Variants in PRSS55 observed in about 807,000 individuals in gnomAD.
The protein encoded by PRSS55 is probable serine protease UNQ9391/PRO34284.
PRSS55 carries 41 observed loss-of-function variants against 23.6 expected under a neutral mutation model. That is an observed-to-expected ratio of 1.74 (90% confidence interval 1.35 to 2.26). PRSS55 has a LOEUF of 2.26. PRSS55 is among the 30% of genes most tolerant of loss of function. The probability of loss-of-function intolerance (pLI) is 0.00; values close to 1 mark genes in which losing one functional copy is unlikely to be tolerated. For synonymous variants in PRSS55, 262 were observed against 175.5 expected (o/e 1.49, Z -3.90); for missense variants, 669 against 439.1 (o/e 1.52, Z -4.68).
Position 10,552,782 on chromosome 8 carries a change from G to A in PRSS55, c.742-1161G>A, listed in dbSNP as rs550147690. On this transcript the variant is annotated intron_variant, in intron 4 of 4. Transcript: ENST00000522210. ...GACAAAAGATAGTGAGTGTTGGTGA[G>A]GGTGTGGAGAAAGGGGAATGTTTGT... is the stretch of plus-strand genomic sequence containing the variant. Among the ~76,000 whole-genome samples the A allele has an allele frequency of 2.0e-3, 302 of 152,300 alleles. 3 individuals are homozygous for A. The highest frequency in any genetic ancestry group is 1.3e-3 in the Non-Finnish European group (89 of 68,028).
intron 1 of PRSS55, among the ~76,000 whole-genome samples, chr8:10,528,573 T>C (rs765407109): frequency 6.6e-6 from 1 of 152,200 alleles, no homozygotes; most frequent in Non-Finnish European, 1.5e-5. Flanking sequence ...ACAGCTTTGC[T>C]CTCAGTCCCC....
At chr8:10,525,795 T>C in intron 1 of PRSS55, 56 bp downstream of exon 1, 6 of 1,517,012 alleles carry the variant, frequency 4.0e-6, no homozygotes, top group Non-Finnish European at 5.3e-6. Flanking sequence ...GCTGACTGGC[T>C]GCCAGGAGGG....
Position 10,525,790 on chromosome 8 carries a change from C to T in PRSS55, c.154+51C>T, listed in dbSNP as rs79161000. The T allele has an allele frequency of 5.1e-3, 7,845 of 1,525,118 alleles. 32 individuals are homozygous for T. Among genetic ancestry groups the T allele is most frequent in the Middle Eastern group, 7.1e-3 (32 of 4,492 alleles). The allele number at this position is 1,525,118 out of a possible 1,614,324, so 94.5% of individuals were successfully genotyped here. On this transcript the variant is annotated intron_variant, in intron 1 of 4. Coordinates refer to ENST00000328655, the MANE Select transcript of PRSS55 (RefSeq NM_198464.4). ...GGATGGGGGCTCATGGTCCAGCTGA[C>T]TGGCTGCCAGGAGGGTGGATCGCAG... is the stretch of plus-strand genomic sequence containing the variant.
intron 4 of PRSS55, among the ~76,000 whole-genome samples, chr8:10,544,450 T>C (rs2117072312): frequency 6.6e-6 from 1 of 152,322 alleles, no homozygotes; most frequent in East Asian, 1.9e-4. Context: ...AGAACTTGTT[T>C]GTTTATCCAG....
At chr8:10,525,764 T>C in intron 1 of PRSS55, 25 bp downstream of exon 1, 1 of 1,567,816 alleles carries the variant, frequency 6.4e-7, no homozygotes, top group Non-Finnish European at 8.7e-7. Flanking sequence ...AGAAGGGGCA[T>C]GGATGGGGGC....
At chr8:10,543,305 G>T (rs1348122817), downstream of PRSS55, among the ~76,000 whole-genome samples, 1 of 152,128 alleles carries the variant, frequency 6.6e-6, no homozygotes, top group African/African-American at 2.4e-5. Flanking sequence ...GGAAGTGACT[G>T]CCCTGAGAGT....
chr8:10,527,138 A>T (rs937056710), intron 1 of PRSS55, among the ~76,000 whole-genome samples: 4 of 152,212 alleles, frequency 2.6e-5, no homozygotes, highest in Non-Finnish European at 4.4e-5. Flanking sequence ...TTTCATCCTG[A>T]CTTTTTCACT....
intron 2 of PRSS55, 116 bp from the exon 3 acceptor site, chr8:10,531,179 A>G: frequency 8.0e-7 from 1 of 1,245,706 alleles, no homozygotes; most frequent in Non-Finnish European, 1.1e-6. Context: ...CAGCCCCAGT[A>G]GGGTTTAAAG....
downstream of PRSS55, chr8:10,541,266 C>T (rs925353566): frequency 6.6e-6 from 1 of 152,372 alleles, no homozygotes; most frequent in Admixed American, 6.5e-5. Flanking sequence ...TGGAGGGGAT[C>T]TGTGGATGAG....
At chr8:10,528,198 C>G (rs915882632) in intron 1 of PRSS55, among the ~76,000 whole-genome samples, 3 of 131,662 alleles carry the variant, frequency 2.3e-5, no homozygotes, top group African/African-American at 8.3e-5. Flanking sequence ...GACTTCGTCT[C>G]TCAAAAAAAA....
In PRSS55 at chr8:10,531,466, G is replaced by A; in HGVS notation, c.519G>A (p.Val173=). Reference sequence around the variant, plus strand: ...CCATCAAGCTCGATGACCTGAAGGTGCCCATCTGCCTCCCCACGCAGCCCG... The same window carrying A: ...CCATCAAGCTCGATGACCTGAAGGTACCCATCTGCCTCCCCACGCAGCCCG... ...ASPIKLDDLK[V]PICLPTQPGP... Residue 173 remains valine (V), a synonymous_variant, in exon 3 of 5, where the codon GTG becomes GTA. Coordinates refer to ENST00000328655, the MANE Select transcript of PRSS55 (RefSeq NM_198464.4). 1.2e-6 allele frequency: 2 copies of A among 1,614,084 alleles called. No individual in the cohort carries two copies. The highest frequency in any genetic ancestry group is 1.7e-6 in the Non-Finnish European group (2 of 1,180,052).
Position 10,553,861 on chromosome 8 carries a change from T to C in PRSS55, c.742-82T>C, listed in dbSNP as rs1366330653. 17 of 882,734 alleles carry C rather than the reference T, an allele frequency of 1.9e-5. No homozygotes were observed. The Admixed American group carries it at 1.9e-4, about 10-fold the overall frequency. The allele number at this position is 882,734 out of a possible 1,614,324, so 54.7% of individuals were successfully genotyped here. ...TTTAATTGGAGTAACCATTTCACAA[T>C]GTATACATAAATCAAAGCACCACAT... is the stretch of plus-strand genomic sequence containing the variant. On this transcript the variant is annotated intron_variant, in intron 4 of 4. Transcript: ENST00000522210.
intron 2 of PRSS55, among the ~76,000 whole-genome samples, chr8:10,531,065 AT>A (rs1373319908): frequency 6.6e-6 from 1 of 151,800 alleles, no homozygotes; most frequent in Non-Finnish European, 1.5e-5. Flanking sequence ...GGGGCCCCTG[AT>A]GGTGCAGTGG....
chr8:10,531,684 T>C (rs1479775387), intron 3 of PRSS55, 139 bp downstream of exon 3: 2 of 1,288,008 alleles, frequency 1.6e-6, no homozygotes, highest in African/African-American at 1.5e-5. Flanking sequence ...GCCCAAAGTT[T>C]AGCTCCTTTT....
Position 10,525,869 on chromosome 8 carries a change from G to A in PRSS55, c.154+130G>A. 1.2e-5 allele frequency: 12 copies of A among 997,728 alleles called. No individual in the cohort carries two copies. The South Asian group carries it at 2.0e-4, about 17-fold the overall frequency. The allele number at this position is 997,728 out of a possible 1,614,324, so 61.8% of individuals were successfully genotyped here. A position where few individuals can be genotyped will look rare whatever the true frequency, so the allele number is the denominator to read the frequency against. ...CACATACCCCTTCTCCAAACCACTT[G>A]TCCTTTCTCTCCTCTCTCCCCTGGC... is the stretch of plus-strand genomic sequence containing the variant. On this transcript the variant is annotated intron_variant, in intron 1 of 4. Coordinates refer to ENST00000328655, the MANE Select transcript of PRSS55 (RefSeq NM_198464.4).
chr8:10,553,754 A>G (rs1253745931), intron 4 of PRSS55, among the ~76,000 whole-genome samples: 1 of 152,240 alleles, frequency 6.6e-6, no homozygotes, highest in East Asian at 1.9e-4. Context: ...TGTATTATAG[A>G]CCGGAAAATT....
At chr8:10,544,950 AT>A in intron 4 of PRSS55, 1 of 937,264 alleles carries the variant, frequency 1.1e-6, no homozygotes, top group Non-Finnish European at 1.3e-6. Context: ...TATTTATAGA[AT>A]TTTTATATTA....
At position 10,531,409 on chromosome 8, in the gene PRSS55, C is replaced by T; in HGVS notation, c.462C>T (p.Asp154=). Residue 154 remains aspartate, a synonymous_variant, in exon 3 of 5, where the codon GAC becomes GAT. Coordinates refer to ENST00000328655, the MANE Select transcript of PRSS55 (RefSeq NM_198464.4). The part of the protein sequence containing the change: ...LHKDFKRANM[D]NDIALLLLAS... The stretch of plus-strand genomic sequence containing the variant: ...AAGACTTTAAGAGAGCCAACATGGA[C>T]AATGACATTGCCTTGCTGCTGCTGG... The T allele has an allele frequency of 6.2e-7, 1 of 1,614,276 alleles. No homozygotes were observed. Among genetic ancestry groups the T allele is most frequent in the Non-Finnish European group, 8.5e-7 (1 of 1,180,058 alleles).
intron 2 of PRSS55, among the ~76,000 whole-genome samples, chr8:10,531,039 C>A (rs1388820978): frequency 2.6e-5 from 4 of 152,166 alleles, no homozygotes; most frequent in East Asian, 3.9e-4. Flanking sequence ...GACAGAAGCA[C>A]CTCATTCATA....
Sources: gnomAD v4.1 joint callset for allele counts (sites outside exome capture counted in the v4.1 genomes callset) on GRCh38, gnomAD v4.1.1 for gene constraint, MANE v1.5 for transcripts, NCBI Gene and HGNC (gene_info 2026-07-23, HGNC 2026-07-21) for gene names.